Variants in KIAA0319 observed in about 807,000 individuals in gnomAD.
The protein encoded by KIAA0319 is dyslexia-associated protein KIAA0319.
A neutral mutation model predicts 108.4 loss-of-function variants in KIAA0319; 83 were observed. That is an observed-to-expected ratio of 0.77 (90% CI 0.64 to 0.92). KIAA0319 has a LOEUF of 0.92. Among genes scored for constraint, KIAA0319 ranks in the 40% least tolerant of loss-of-function variants. The probability of loss-of-function intolerance (pLI) is 0.00; values close to 1 mark genes in which losing one functional copy is unlikely to be tolerated. For missense variants in KIAA0319, 1,195 were observed against 1,322.4 expected (o/e 0.90, Z 1.49); for synonymous variants, 484 against 510.4 (o/e 0.95, Z 0.70).
chr6:24,636,738 T>C (rs956155799), intron 1 of KIAA0319, among the ~76,000 whole-genome samples: 8 of 152,192 alleles, frequency 5.3e-5, no homozygotes, highest in Non-Finnish European at 1.2e-4. Flanking sequence ...TCCACATCAA[T>C]CTGCAAGGGA....
chr6:24,554,464 C>T, intron 19 of KIAA0319, 77 bp downstream of exon 19: 2 of 1,027,086 alleles, frequency 1.9e-6, no homozygotes, highest in Non-Finnish European at 3.0e-6. Flanking sequence ...TTAACAAGTC[C>T]AAGTAAACAA....
chr6:24,554,461 G>A, intron 19 of KIAA0319, 80 bp downstream of exon 19: 1 of 991,644 alleles, frequency 1.0e-6, no homozygotes. Flanking sequence ...GGTTTAACAA[G>A]TCCAAGTAAA....
At chr6:24,575,100 T>C (rs916937946) in intron 10 of KIAA0319, among the ~76,000 whole-genome samples, 2 of 152,094 alleles carry the variant, frequency 1.3e-5, no homozygotes, top group Admixed American at 6.5e-5. Context: ...TATAAAAGGG[T>C]CTGATTCACA....
chr6:24,573,024 G>A (rs1202783347), intron 10 of KIAA0319, among the ~76,000 whole-genome samples: 1 of 152,122 alleles, frequency 6.6e-6, no homozygotes, highest in Non-Finnish European at 1.5e-5. Context: ...AAGAGGCTGA[G>A]GCACGAGAAT....
chr6:24,596,305 C>T lies in KIAA0319; in HGVS notation c.369G>A (p.Arg123=), dbSNP rs1284385128. ...LLDYGDMMLN[R]GSPSGIWGDS... is the part of the protein sequence containing the mutation. The stretch of plus-strand genomic sequence containing the variant: ...CCCCCCAGATCCCCGAGGGGGAGCC[C>T]CTGTTCAGCATCATGTCCCCATAGT... Residue 123 remains arginine (R), a synonymous_variant, in exon 3 of 21, where the codon AGG becomes AGA. Coordinates refer to ENST00000378214, the MANE Select transcript of KIAA0319 (RefSeq NM_014809.4). The T allele has an allele frequency of 6.2e-7, 1 of 1,614,152 alleles. No homozygotes were observed. The highest frequency in any genetic ancestry group is 1.1e-5 in the South Asian group (1 of 91,084).
chr6:24,604,573 C>T (rs760496841), intron 1 of KIAA0319, among the ~76,000 whole-genome samples: 2 of 152,190 alleles, frequency 1.3e-5, no homozygotes, highest in Non-Finnish European at 2.9e-5. Flanking sequence ...TTGGTGAATG[C>T]CTTTGGTTGT....
In KIAA0319 at chr6:24,568,882, G is replaced by A; in HGVS notation, c.2039C>T (p.Thr680Ile). 6.2e-7 allele frequency: 1 copy of A among 1,614,208 alleles called. No homozygotes were observed. The highest frequency in any genetic ancestry group is 8.5e-7 in the Non-Finnish European group (1 of 1,180,016). Residue 680 changes from threonine (T) to isoleucine (I), a missense_variant, in exon 13 of 21, where the codon ACT (threonine) becomes ATT (isoleucine). By Grantham distance (89) the Thr-to-Ile change is moderately conservative. Transcript: ENST00000378214. ...EMENIDKAIA[T>I]VTGLQVGTYH... is the part of the protein sequence containing the mutation. ...GGTCCCCACCTGGAGACCAGTCACA[G>A]TGGCTATTGCTTTGTCAATATTTTC...
chr6:24,625,109 C>A (rs1774526475), intron 1 of KIAA0319, among the ~76,000 whole-genome samples: 1 of 152,100 alleles, frequency 6.6e-6, no homozygotes, highest in Non-Finnish European at 1.5e-5. Context: ...AATACAGTAC[C>A]CCATAACTTC....
chr6:24,566,859 T>C, intron 13 of KIAA0319, 111 bp from the exon 14 acceptor site: 1 of 1,021,018 alleles, frequency 9.8e-7, no homozygotes, highest in Non-Finnish European at 1.4e-6. Context: ...ATACAGTATG[T>C]AGAATTAAAA....
intron 1 of KIAA0319, among the ~76,000 whole-genome samples, chr6:24,632,783 C>T (rs1482216147): frequency 6.6e-6 from 1 of 152,220 alleles, no homozygotes; most frequent in South Asian, 2.1e-4. Flanking sequence ...ACTTTCTCCA[C>T]TGAAAGTGGA....
At chr6:24,541,122 C>T (rs887348038), downstream of KIAA0319, among the ~76,000 whole-genome samples, 2 of 152,138 alleles carry the variant, frequency 1.3e-5, no homozygotes, top group Non-Finnish European at 2.9e-5. Flanking sequence ...TTTAAACTTT[C>T]CTTTCACTAT....
rs1191788070 is a variant in KIAA0319 at position 24,596,182 on chromosome 6, C to T, written c.492G>A (p.Glu164=). ...TGCCACTGGGTTGCAAGAGGTCCTT[C>T]TCCAGCTCCCGGTAGTCATCTGAGT... The part of the protein sequence containing the change: ...SEYSDDYREL[E]KDLLQPSGKQ... The change falls in exon 3 of 21, where the codon GAG becomes GAA. Residue 164 remains glutamate, a synonymous_variant. Coordinates refer to ENST00000378214, the MANE Select transcript of KIAA0319 (RefSeq NM_014809.4). The T allele has an allele frequency of 6.2e-7, 1 of 1,614,174 alleles. No individual in the cohort carries two copies. Among genetic ancestry groups the T allele is most frequent in the East Asian group, 2.2e-5 (1 of 44,864 alleles).
chr6:24,624,559 A>G (rs1184659282), intron 1 of KIAA0319, among the ~76,000 whole-genome samples: 1 of 152,202 alleles, frequency 6.6e-6, no homozygotes, highest in African/African-American at 2.4e-5. Context: ...GAAGGAAAAC[A>G]TTGAGGAAAA....
intron 2 of KIAA0319, among the ~76,000 whole-genome samples, chr6:24,597,326 G>A (rs1769807154): frequency 6.6e-6 from 1 of 152,192 alleles, no homozygotes. Flanking sequence ...ACTGTCACAA[G>A]GAGGCAAGGA....
At chr6:24,556,806 G>C in intron 17 of KIAA0319, 77 bp from the exon 18 acceptor site, 1 of 1,484,570 alleles carries the variant, frequency 6.7e-7, no homozygotes, top group Non-Finnish European at 9.0e-7. Flanking sequence ...TGTATCTTCA[G>C]TAGCATAGGT....
Position 24,551,533 on chromosome 6 carries a change from G to A in KIAA0319, c.2949-8C>T. 1.3e-6 allele frequency: 2 copies of A among 1,567,692 alleles called. No homozygotes were observed. The highest frequency in any genetic ancestry group is 1.8e-6 in the Non-Finnish European group (2 of 1,137,512). ...ATTTTAGTCCTTTTTTGTCTGAAAGGAACAATGAAAAGCTCAACTCAGATC... is the reference window on the plus strand; with the variant it reads ...ATTTTAGTCCTTTTTTGTCTGAAAGAAACAATGAAAAGCTCAACTCAGATC... On this transcript the variant is annotated splice_region_variant and splice_polypyrimidine_tract_variant and intron_variant, in intron 19 of 20. Coordinates refer to ENST00000378214, the MANE Select transcript of KIAA0319 (RefSeq NM_014809.4).
rs1770346557 is a variant in KIAA0319, at chr6:24,599,878, A to C, written c.55+1171T>G. 2.8e-6 allele frequency: 1 copy of C among 360,448 alleles called. No homozygotes were observed. The highest frequency in any genetic ancestry group is 5.2e-6 in the Non-Finnish European group (1 of 191,474). The allele number at this position is 360,448 out of a possible 1,614,324, so 22.3% of individuals were successfully genotyped here. A position where few individuals can be genotyped will look rare whatever the true frequency, so the allele number is the denominator to read the frequency against. On this transcript the variant is annotated intron_variant, in intron 2 of 20. Coordinates refer to ENST00000378214, the MANE Select transcript of KIAA0319 (RefSeq NM_014809.4). This position sits in a 1 kb window ranked among gnomAD's most constrained non-coding sequence, Gnocchi z 4.1. ...GCCACTGTGCAGGGGAGCATAGGGAACAGGAGACCCACCTGAGGCTCAGCG... is the reference window on the plus strand; with the variant it reads ...GCCACTGTGCAGGGGAGCATAGGGACCAGGAGACCCACCTGAGGCTCAGCG...
At chr6:24,625,841 C>T (rs142226547) in intron 1 of KIAA0319, among the ~76,000 whole-genome samples, 17 of 152,180 alleles carry the variant, frequency 1.1e-4, no homozygotes, top group African/African-American at 3.6e-4. Flanking sequence ...AGAGTAAGTA[C>T]TTAGGAATAA....
intron 1 of KIAA0319, among the ~76,000 whole-genome samples, chr6:24,627,073 G>A (rs1774816072): frequency 6.6e-6 from 1 of 152,158 alleles, no homozygotes; most frequent in African/African-American, 2.4e-5. Context: ...AAGCAGGGCA[G>A]GCCAGCAGAA....
Sources: allele counts gnomAD v4.1 joint callset (sites outside exome capture counted in the v4.1 genomes callset), GRCh38; gene constraint gnomAD v4.1.1; non-coding constraint Gnocchi (gnomAD v3.1); transcripts MANE v1.5; gene names NCBI Gene and HGNC (gene_info 2026-07-23, HGNC 2026-07-21).